Variants in CSNK1D observed in about 807,000 individuals in gnomAD.
CSNK1D encodes the protein casein kinase I isoform delta.
CSNK1D carries 16 observed loss-of-function variants against 46.6 expected under a neutral mutation model. That is an observed-to-expected ratio of 0.34 (90% confidence interval 0.23 to 0.52). The LOEUF is 0.52. Ranked by LOEUF, CSNK1D falls within the 20% of genes least tolerant of loss-of-function variation. The pLI is 0.95. For missense variants in CSNK1D, 398 were observed against 578.4 expected (o/e 0.69, Z 3.20); for synonymous variants, 276 against 228.2 (o/e 1.21, Z -1.89).
intron 3 of CSNK1D, chr17:82,254,550 G>C: frequency 6.7e-6 from 1 of 148,758 alleles, no homozygotes; most frequent in Non-Finnish European, 1.3e-5. Context: ...CAGCTGAGCC[G>C]CCGGAGCCTC....
chr17:82,244,412 C>A lies in CSNK1D; in HGVS notation c.*369G>T. 1 of 1,193,462 alleles carries A rather than the reference C, an allele frequency of 8.4e-7. No individual in the cohort carries two copies. Among genetic ancestry groups the A allele is most frequent in the Non-Finnish European group, 1.1e-6 (1 of 952,244 alleles). 73.9% of individuals were successfully genotyped at this position (1,193,462 alleles called of 1,614,324 possible). A position where few individuals can be genotyped will look rare whatever the true frequency, so the allele number is the denominator to read the frequency against. ...TAATTTTTAGCAAAATGATACAAAA[C>A]TGTCTTAACCAAGTAGAAGATTGGT... is the stretch of plus-strand genomic sequence containing the variant. On this transcript the variant is annotated 3_prime_UTR_variant, in exon 9 of 9. Transcript: ENST00000314028.
At chr17:82,254,744 C>T (rs1384466531) in intron 3 of CSNK1D, 13 of 186,438 alleles carry the variant, frequency 7.0e-5, no homozygotes, top group Non-Finnish European at 9.6e-5. Flanking sequence ...GCTGAGCCGC[C>T]GGAGCCTCGA....
At position 82,250,997 on chromosome 17, in the gene CSNK1D, CA is replaced by C. The variant is rs2050992661; in HGVS notation, c.885+381del. On this transcript the variant is annotated intron_variant, in intron 6 of 8. Transcript: ENST00000314028. The surrounding 1 kb of genome is among the most constrained non-coding windows in gnomAD (Gnocchi z 4.6). ...AGACGGGTAGCACCTCACCAGGCCC[CA>C]ACCCCACTCATCTCGTGGGCACCAC... 5.9e-6 allele frequency: 2 copies of C among 337,376 alleles called. No individual in the cohort carries two copies. Among genetic ancestry groups the C allele is most frequent in the Admixed American group, 4.5e-5 (1 of 22,436 alleles). 20.9% of individuals were successfully genotyped at this position (337,376 alleles called of 1,614,324 possible).
At chr17:82,245,577 G>A (rs906709129) in intron 8 of CSNK1D, 6 of 303,034 alleles carry the variant, frequency 2.0e-5, no homozygotes, top group Non-Finnish European at 3.2e-5. Context: ...CCACCCAGCT[G>A]AGCAGGACAC....
In CSNK1D at chr17:82,251,911, A is replaced by T; in HGVS notation, c.737-384T>A. On this transcript the variant is annotated intron_variant, in intron 5 of 8. Transcript: ENST00000314028. This position sits in a 1 kb window ranked among gnomAD's most constrained non-coding sequence, Gnocchi z 4.5. ...GGGGAGGCTGACGCAGGAGAATGGT[A>T]TGAACCCGGGAGGCGGAGCTTGCAG... 3.0e-6 allele frequency: 1 copy of T among 336,564 alleles called. No individual in the cohort carries two copies. The highest frequency in any genetic ancestry group is 2.5e-5 in the South Asian group (1 of 40,022). 20.8% of individuals were successfully genotyped at this position (336,564 alleles called of 1,614,324 possible).
At position 82,249,034 on chromosome 17, in the gene CSNK1D, C is replaced by T. The variant is rs757893712; in HGVS notation, c.1058-20G>A. On this transcript the variant is annotated intron_variant, in intron 7 of 8. Transcript: ENST00000314028. This position sits in a 1 kb window ranked among gnomAD's most constrained non-coding sequence, Gnocchi z 6.7. ...TGTTAGCTGAGGACAGGGAGAGAAA[C>T]GGAGTGGGCCGCCCCCGTCTGCTGC... 42 of 1,550,292 alleles carry T rather than the reference C, an allele frequency of 2.7e-5. 1 individual carries two copies. Among genetic ancestry groups the T allele is most frequent in the South Asian group, 1.4e-4 (12 of 84,228 alleles).
intron 8 of CSNK1D, chr17:82,246,001 G>T: frequency 6.2e-7 from 1 of 1,609,840 alleles, no homozygotes; most frequent in South Asian, 1.1e-5. Flanking sequence ...GATGGGAGAC[G>T]AGCAGCTACT....
At chr17:82,240,215 G>A (rs554370377), downstream of CSNK1D, 18 of 478,508 alleles carry the variant, frequency 3.8e-5, no homozygotes, top group African/African-American at 2.4e-4. Context: ...TCAGGCTGGC[G>A]GGCAGTGCCA....
At position 82,249,238 on chromosome 17, in the gene CSNK1D, A is replaced by G. The variant is rs2050933179; in HGVS notation, c.1057+193T>C. On this transcript the variant is annotated intron_variant, in intron 7 of 8. Transcript: ENST00000314028. The surrounding 1 kb of genome is among the most constrained non-coding windows in gnomAD (Gnocchi z 6.7). ...GGGAGGAACGTGAGATGCGGGAGGA[A>G]TCACGCACACCAGCAGGTGCCGGCA... 1.3e-6 allele frequency: 1 copy of G among 754,262 alleles called. No homozygotes were observed. Among genetic ancestry groups the G allele is most frequent in the Non-Finnish European group, 2.1e-6 (1 of 474,004 alleles). 46.7% of individuals were successfully genotyped at this position (754,262 alleles called of 1,614,324 possible).
rs922964860 is a variant in CSNK1D, at chr17:82,273,136, C to T, written c.76+170G>A. 1.3e-5 allele frequency: 9 copies of T among 672,024 alleles called. No individual in the cohort carries two copies. In the South Asian group the frequency reaches 1.5e-4, roughly 11 times the overall value. 41.6% of individuals were successfully genotyped at this position (672,024 alleles called of 1,614,324 possible). The stretch of plus-strand genomic sequence containing the variant: ...CGTCCGCTCCCCACTGCCCTCCCCA[C>T]CCCTGGCCGCGCTAGCCTAGTGGCC... On this transcript the variant is annotated intron_variant, in intron 1 of 8. Coordinates refer to ENST00000314028, the MANE Select transcript of CSNK1D (RefSeq NM_001893.6). This position sits in a 1 kb window ranked among gnomAD's most constrained non-coding sequence, Gnocchi z 5.1.
rs759062021 is a variant in CSNK1D, at chr17:82,248,825, C to A, written c.1197+50G>T. 5.0e-6 allele frequency: 8 copies of A among 1,585,226 alleles called. No individual in the cohort carries two copies. In the South Asian group the frequency reaches 6.8e-5, roughly 14 times the overall value. On this transcript the variant is annotated intron_variant, in intron 8 of 8. Coordinates refer to ENST00000314028, the MANE Select transcript of CSNK1D (RefSeq NM_001893.6). The surrounding 1 kb of genome is among the most constrained non-coding windows in gnomAD (Gnocchi z 4.1). ...GAGAAACCACAGCCCGCTCTTGACT[C>A]GGACGGGGTAGCCCGAGGCCCAGCG...
rs2050763319 is a variant in CSNK1D at position 82,242,886 on chromosome 17, G to A, written c.*1895C>T. The stretch of plus-strand genomic sequence containing the variant: ...CCGGCGAGGCTCGGGCTGGAACCCG[G>A]GCGCAGAGCTGCCTCGCACAAACGT... On this transcript the variant is annotated 3_prime_UTR_variant, in exon 9 of 9. Transcript: ENST00000314028. 2 of 985,314 alleles carry A rather than the reference G, an allele frequency of 2.0e-6. No homozygotes were observed. Among genetic ancestry groups the A allele is most frequent in the African/African-American group, 1.7e-5 (1 of 57,230 alleles). 61.0% of individuals were successfully genotyped at this position (985,314 alleles called of 1,614,324 possible).
intron 2 of CSNK1D, 160 bp downstream of exon 2, chr17:82,265,526 C>G (rs1196174194): frequency 1.5e-6 from 1 of 685,062 alleles, no homozygotes; most frequent in Non-Finnish European, 2.7e-6. Context: ...ACCCAAGACT[C>G]TCTGAAGGAA....
rs2050921028 is a variant in CSNK1D, at chr17:82,248,881, G to T, written c.1191C>A (p.Thr397=). Residue 397 remains threonine, a synonymous_variant, in exon 8 of 9, where the codon ACC becomes ACA. Transcript: ENST00000314028. The surrounding 1 kb of genome is among the most constrained non-coding windows in gnomAD (Gnocchi z 4.1). ...TGRQDTSRMS[T]SQIPGRVASS... is the part of the protein sequence containing the mutation. ...CCGGGAGCTCTGCACCTACCTGTGA[G>T]GTGGACATGCGAGAGGTATCTTGTC... The T allele has an allele frequency of 6.2e-7, 1 of 1,610,440 alleles. No homozygotes were observed. Among genetic ancestry groups the T allele is most frequent in the Non-Finnish European group, 8.5e-7 (1 of 1,178,202 alleles).
chr17:82,264,754 C>T (rs535206609), intron 2 of CSNK1D, among the ~76,000 whole-genome samples: 1 of 152,056 alleles, frequency 6.6e-6, no homozygotes, highest in South Asian at 2.1e-4. Flanking sequence ...CACTGAGGGG[C>T]ACACGACACC....
chr17:82,254,970 G>A (rs1295482919), intron 3 of CSNK1D, among the ~76,000 whole-genome samples: 3 of 142,456 alleles, frequency 2.1e-5, no homozygotes, highest in Admixed American at 6.9e-5. Flanking sequence ...CTGAGCCGCC[G>A]GAGCCTCCAG....
rs767048755 is a variant in CSNK1D at position 82,245,991 on chromosome 17, G to A, written c.1198-1160C>T. 2.6e-5 allele frequency: 41 copies of A among 1,607,600 alleles called. 1 individual carries two copies. Among genetic ancestry groups the A allele is most frequent in the South Asian group, 5.6e-5 (5 of 89,640 alleles). On this transcript the variant is annotated intron_variant, in intron 8 of 8. Transcript: ENST00000314028. ...GCACACTCACCCAGTGCTGCCTTCC[G>A]ATGGGAGACGAGCAGCTACTTGCCG...
chr17:82,264,982 G>C (rs1406520079), intron 2 of CSNK1D, among the ~76,000 whole-genome samples: 4 of 151,642 alleles, frequency 2.6e-5, no homozygotes, highest in Non-Finnish European at 5.9e-5. Context: ...TGTATTTTTA[G>C]TAGAGACGGG....
chr17:82,269,776 G>A (rs1054990559), intron 1 of CSNK1D, among the ~76,000 whole-genome samples: 3 of 152,246 alleles, frequency 2.0e-5, no homozygotes, highest in Non-Finnish European at 2.9e-5. Context: ...GGCCGCCTGC[G>A]GGGTGAACAC....
Sources: allele counts gnomAD v4.1 joint callset (sites outside exome capture counted in the v4.1 genomes callset), GRCh38; gene constraint gnomAD v4.1.1; non-coding constraint Gnocchi (gnomAD v3.1); transcripts MANE v1.5; gene names NCBI Gene and HGNC (gene_info 2026-07-23, HGNC 2026-07-21).